FIG4: variants seen among roughly 807,000 people sequenced by gnomAD.
FIG4 encodes the protein FIG4 phosphoinositide 5-phosphatase, also known as polyphosphoinositide phosphatase.
Under a neutral mutation model 118.6 loss-of-function variants are expected in FIG4, and 112 were observed. That is an observed-to-expected ratio of 0.94 (90% CI 0.81 to 1.11). The LOEUF is 1.11. Among genes scored for constraint, FIG4 ranks in the 50% least tolerant of loss-of-function variants. The probability of loss-of-function intolerance (pLI) is 0.00; values close to 1 mark genes in which losing one functional copy is unlikely to be tolerated. For synonymous variants in FIG4, 369 were observed against 381.2 expected (o/e 0.97, Z 0.37); for missense variants, 969 against 1,111.7 (o/e 0.87, Z 1.83).
In FIG4 at chr6:109,741,473, G is replaced by A; in HGVS notation, c.805G>A (p.Val269Ile). The A allele has an allele frequency of 6.2e-7, 1 of 1,613,220 alleles. No individual in the cohort carries two copies. Among genetic ancestry groups the A allele is most frequent in the South Asian group, 1.1e-5 (1 of 91,066 alleles). Reference protein sequence around the residue: ...KLLIYGRPVYVTLIARRSSKF... With the variant: ...KLLIYGRPVYITLIARRSSKF... The stretch of plus-strand genomic sequence containing the variant: ...GTTGATCTATGGACGACCAGTGTAT[G>A]TCACTCTAATAGCTAGAAGATCCAG... The change falls in exon 8 of 23, where the codon GTC becomes ATC. Residue 269 changes from valine to isoleucine, a missense_variant. Transcript: ENST00000230124.
chr6:109,744,777 C>T (rs958737583), intron 10 of FIG4, among the ~76,000 whole-genome samples: 1 of 152,048 alleles, frequency 6.6e-6, no homozygotes, highest in Non-Finnish European at 1.5e-5. Flanking sequence ...TCTCCTAATG[C>T]TATCCTTCCC....
intron 15 of FIG4, among the ~76,000 whole-genome samples, chr6:109,770,638 G>A (rs1028677372): frequency 1.3e-5 from 2 of 152,106 alleles, no homozygotes; most frequent in African/African-American, 4.8e-5. Flanking sequence ...GGGCCTCAGG[G>A]AACTTTTAAT....
At chr6:109,821,372 A>G (rs1779001497) in intron 22 of FIG4, among the ~76,000 whole-genome samples, 1 of 152,270 alleles carries the variant, frequency 6.6e-6, no homozygotes, top group African/African-American at 2.4e-5. Context: ...ACAATAAGCA[A>G]CAGAAAAGTA....
rs938770855 is a variant in FIG4 at position 109,783,059 on chromosome 6, A to G, written c.1890-1911A>G. ...GTTCTCACTTAAAAGTGGGAGCTGA[A>G]TGATGAGAACACATGGACACATGAT... On this transcript the variant is annotated intron_variant, in intron 16 of 22. Transcript: ENST00000230124. Among the ~76,000 whole-genome samples, 13 of 152,348 alleles carry G rather than the reference A, an allele frequency of 8.5e-5. No homozygotes were observed. The East Asian group carries it at 2.3e-3, about 27-fold the overall frequency.
intron 9 of FIG4, 177 bp downstream of exon 9, chr6:109,743,449 A>G: frequency 1.5e-6 from 1 of 673,294 alleles, no homozygotes; most frequent in Non-Finnish European, 2.5e-6. Flanking sequence ...TTTAATTTTG[A>G]CTGTTAAATA....
chr6:109,782,419 T>G lies in FIG4; in HGVS notation c.1890-2551T>G, dbSNP rs193025470. Among the ~76,000 whole-genome samples the G allele has an allele frequency of 6.0e-3, 908 of 152,350 alleles. 3 individuals carry two copies. Among genetic ancestry groups the G allele is most frequent in the Non-Finnish European group, 6.9e-3 (469 of 68,032 alleles). On this transcript the variant is annotated intron_variant, in intron 16 of 22. Transcript: ENST00000230124. ...GAATCTTTTAAAAGTGTTGTTAAAT[T>G]GCTACATATTGTAAGGGAAATACAA...
chr6:109,746,826 A>C (rs1421525507), intron 10 of FIG4, among the ~76,000 whole-genome samples: 1 of 152,132 alleles, frequency 6.6e-6, no homozygotes, highest in Non-Finnish European at 1.5e-5. Context: ...GGCTGTTATA[A>C]TTGTCCAGAA....
intron 20 of FIG4, 131 bp downstream of exon 20, chr6:109,791,702 A>T: frequency 1.3e-6 from 1 of 761,630 alleles, no homozygotes; most frequent in Non-Finnish European, 2.3e-6. Flanking sequence ...GAGGCACTGC[A>T]TAAGATGAAT....
intron 11 of FIG4, among the ~76,000 whole-genome samples, chr6:109,761,042 G>C (rs985639459): frequency 3.3e-5 from 5 of 152,136 alleles, no homozygotes; most frequent in African/African-American, 1.2e-4. Context: ...CATACAAGCT[G>C]TAGGTTTACT....
chr6:109,721,539 CT>C (rs1389050001), intron 3 of FIG4, among the ~76,000 whole-genome samples: 1 of 152,118 alleles, frequency 6.6e-6, no homozygotes, highest in African/African-American at 2.4e-5. Flanking sequence ...GTGACACAGC[CT>C]TTTTTATTTT....
intron 22 of FIG4, among the ~76,000 whole-genome samples, chr6:109,799,872 T>C (rs966058641): frequency 2.0e-5 from 3 of 152,072 alleles, no homozygotes; most frequent in African/African-American, 7.2e-5. Context: ...CACCCTAAGC[T>C]GTAGTTTGTG....
intron 1 of FIG4, among the ~76,000 whole-genome samples, chr6:109,704,552 C>T (rs1398963275): frequency 6.6e-6 from 1 of 151,876 alleles, no homozygotes; most frequent in Admixed American, 6.5e-5. Flanking sequence ...TCTGTAATCC[C>T]AGCTACTTGG....
chr6:109,738,397 G>A lies in FIG4; in HGVS notation c.719G>A (p.Ser240Asn). ...GGTGAACTTCTGGATATAATTAAAA[G>A]TACTGTGCATCGTGACTGGCTTTTG... The part of the protein sequence containing the change: ...WNGELLDIIK[S>N]TVHRDWLLYI... The change falls in exon 7 of 23, where the codon AGT becomes AAT. Residue 240 changes from serine to asparagine, a missense_variant. Transcript: ENST00000230124. The A allele has an allele frequency of 6.2e-7, 1 of 1,612,166 alleles. No homozygotes were observed. Among genetic ancestry groups the A allele is most frequent in the Non-Finnish European group, 8.5e-7 (1 of 1,178,546 alleles).
intron 22 of FIG4, among the ~76,000 whole-genome samples, chr6:109,821,546 G>T (rs114937689): frequency 6.6e-6 from 1 of 152,102 alleles, no homozygotes; most frequent in Non-Finnish European, 1.5e-5. Context: ...AATGAAGAAA[G>T]ACATTAAAAA....
intron 10 of FIG4, among the ~76,000 whole-genome samples, chr6:109,753,357 A>G (rs1776773008): frequency 6.6e-6 from 1 of 151,870 alleles, no homozygotes; most frequent in South Asian, 2.1e-4. Flanking sequence ...CTTGTAGTAT[A>G]GTTTGAAGTC....
At chr6:109,696,992 ACT>A (rs564368019) in intron 1 of FIG4, among the ~76,000 whole-genome samples, 311 of 152,190 alleles carry the variant, frequency 2.0e-3, no homozygotes, top group Non-Finnish European at 4.0e-3. Flanking sequence ...TTAAAATATC[ACT>A]CTATGTTTCA....
At chr6:109,779,328 C>CG (rs990189848) in intron 16 of FIG4, among the ~76,000 whole-genome samples, 22 of 152,074 alleles carry the variant, frequency 1.4e-4, no homozygotes, top group African/African-American at 5.3e-4. Flanking sequence ...AATTTAAACC[C>CG]CTTGCTCACC....
At chr6:109,820,472 G>T (rs772538290) in intron 22 of FIG4, among the ~76,000 whole-genome samples, 6 of 152,216 alleles carry the variant, frequency 3.9e-5, no homozygotes, top group South Asian at 2.1e-4. Context: ...AGTATGCGTT[G>T]TCTCTGAAGG....
chr6:109,817,544 A>G (rs1430000911), intron 22 of FIG4, among the ~76,000 whole-genome samples: 1 of 150,688 alleles, frequency 6.6e-6, no homozygotes, highest in Non-Finnish European at 1.5e-5. Flanking sequence ...TAACCTTTTT[A>G]TTTTACAGCT....
Sources: gnomAD v4.1 joint callset for allele counts (sites outside exome capture counted in the v4.1 genomes callset) on GRCh38, gnomAD v4.1.1 for gene constraint, MANE v1.5 for transcripts, NCBI Gene and HGNC (gene_info 2026-07-23, HGNC 2026-07-21) for gene names.